Variants in MAST4 observed in about 807,000 individuals in gnomAD.
MAST4 encodes the protein microtubule-associated serine/threonine-protein kinase 4.
In MAST4, 89 loss-of-function variants were observed where a neutral mutation model predicts 162.7. The ratio of observed to expected loss-of-function variants is 0.55; its 90% CI spans 0.46 to 0.65. The LOEUF (loss-of-function observed/expected upper bound fraction) is 0.65. Ranked by LOEUF, MAST4 falls within the 30% of genes least tolerant of loss-of-function variation. The probability of loss-of-function intolerance (pLI) is 0.00; values close to 1 mark genes in which losing one functional copy is unlikely to be tolerated. For missense variants in MAST4, 3,153 were observed against 3,374.0 expected (o/e 0.93, Z 1.62); for synonymous variants, 1,479 against 1,361.1 (o/e 1.09, Z -1.91).
rs1187989089 is a variant in MAST4 at position 66,721,785 on chromosome 5, C to T, written c.364-37924C>T. On this transcript the variant is annotated intron_variant, in intron 1 of 28. Transcript: ENST00000403625. ...TGTTCTGAACTGAACTTCTTGTCTA[C>T]CCACCAGTCCTGTTCTGCTGGACTC... is the stretch of plus-strand genomic sequence containing the variant. Among the ~76,000 whole-genome samples the T allele has an allele frequency of 2.6e-5, 4 of 151,594 alleles. No homozygotes were observed. The East Asian group carries it at 7.8e-4, about 29-fold the overall frequency.
Position 67,165,813 on chromosome 5 carries a change from C to T in MAST4, c.6634C>T (p.Leu2212Phe). Residue 2212 changes from leucine to phenylalanine, a missense_variant, in exon 29 of 29, where the codon CTC becomes TTC. Leu to Phe is a conservative substitution (Grantham distance 22, BLOSUM62 0). Around this residue, in one of 7 missense-constraint regions of MAST4, gnomAD observed 1,644 missense variants for 1,495.0 expected, o/e 1.10. Transcript: ENST00000403625. ...AAAGACTAAGCACCCCGACCGGTCC[C>T]TCTCCTCTCAGAAACCAAGTGTCGG... is the stretch of plus-strand genomic sequence containing the variant. ...PPKTKHPDRS[L>F]SSQKPSVGAT... 3 of 1,612,566 alleles carry T rather than the reference C, an allele frequency of 1.9e-6. No individual in the cohort carries two copies. The highest frequency in any genetic ancestry group is 1.3e-5 in the African/African-American group (1 of 75,040).
chr5:66,769,701 T>TA (rs1754276374), intron 2 of MAST4, among the ~76,000 whole-genome samples: 2 of 152,242 alleles, frequency 1.3e-5, no homozygotes, highest in African/African-American at 2.4e-5. Flanking sequence ...ATTATCCTGT[T>TA]ACAGGACCGC....
chr5:67,078,927 T>TAATATATATATATAATATATATATATA (rs1554093935), intron 5 of MAST4, among the ~76,000 whole-genome samples: 2 of 84,308 alleles, frequency 2.4e-5, no homozygotes, highest in Admixed American at 1.5e-4. Flanking sequence ...TATATATATA[T>TAATATATATATATAATATATATATATA]ATATATATAT....
intron 3 of MAST4, among the ~76,000 whole-genome samples, chr5:66,897,465 C>A (rs542529765): frequency 1.3e-5 from 2 of 152,348 alleles, no homozygotes; most frequent in Non-Finnish European, 2.9e-5. Flanking sequence ...CTGCTCCCCG[C>A]GCAGGCTGCA....
intron 1 of MAST4, among the ~76,000 whole-genome samples, chr5:66,608,420 C>T (rs558615979): frequency 4.4e-5 from 5 of 112,564 alleles, no homozygotes; most frequent in Non-Finnish European, 8.3e-5. Context: ...TATATACATT[C>T]TTGACGGGAA....
At chr5:66,879,291 C>A (rs1427255670) in intron 3 of MAST4, among the ~76,000 whole-genome samples, 1 of 150,270 alleles carries the variant, frequency 6.7e-6, no homozygotes, top group Non-Finnish European at 1.5e-5. Flanking sequence ...AAAAAAAGTA[C>A]AAATTAAAAA....
chr5:66,764,332 A>G (rs1753988037), intron 2 of MAST4, among the ~76,000 whole-genome samples: 2 of 152,172 alleles, frequency 1.3e-5, no homozygotes, highest in East Asian at 1.9e-4. Flanking sequence ...GTACAGGCAC[A>G]TTTCAAGGTT....
chr5:67,140,490 T>TGGGG (rs1770242896), intron 19 of MAST4, among the ~76,000 whole-genome samples: 1 of 152,160 alleles, frequency 6.6e-6, no homozygotes, highest in Non-Finnish European at 1.5e-5. Context: ...GTATTGGCAG[T>TGGGG]TCTGAATCTG....
At chr5:66,831,967 AAATT>A (rs1461556159) in intron 3 of MAST4, among the ~76,000 whole-genome samples, 1 of 152,088 alleles carries the variant, frequency 6.6e-6, no homozygotes, top group African/African-American at 2.4e-5. Context: ...ACTGTCAGGG[AAATT>A]AATTGTTTCA....
At chr5:67,002,065 A>T (rs922318329) in intron 4 of MAST4, 5 of 152,056 alleles carry the variant, frequency 3.3e-5, no homozygotes, top group African/African-American at 9.7e-5. Context: ...AGTGAGCACA[A>T]AAAGTTATTC....
intron 3 of MAST4, among the ~76,000 whole-genome samples, chr5:66,853,820 T>G (rs1759482820): frequency 6.6e-6 from 1 of 152,204 alleles, no homozygotes; most frequent in Non-Finnish European, 1.5e-5. Flanking sequence ...TAACTTATGT[T>G]TTAAACAGAT....
chr5:67,083,621 GA>G (rs950877344), intron 5 of MAST4, among the ~76,000 whole-genome samples: 8 of 150,750 alleles, frequency 5.3e-5, no homozygotes, highest in South Asian at 4.2e-4. Flanking sequence ...ATGTAAGATA[GA>G]AAAAAAAATA....
chr5:66,821,818 C>A (rs1360868435), intron 3 of MAST4, among the ~76,000 whole-genome samples: 1 of 152,048 alleles, frequency 6.6e-6, no homozygotes, highest in Non-Finnish European at 1.5e-5. Flanking sequence ...AGGGCAGGAT[C>A]CTTGAAGCCA....
At chr5:66,663,271 T>C (rs1425948660) in intron 1 of MAST4, among the ~76,000 whole-genome samples, 4 of 152,230 alleles carry the variant, frequency 2.6e-5, no homozygotes, top group African/African-American at 7.2e-5. Flanking sequence ...AGGAATGGTC[T>C]CCTTTGTGAT....
Position 66,807,357 on chromosome 5 carries a change from G to A in MAST4, c.642+18563G>A, listed in dbSNP as rs556202840. ...TAAAAATACAAAAAATTAGCCGGGC[G>A]CGGTGGCGGGCGCCTTTAGTCCCAG... On this transcript the variant is annotated intron_variant, in intron 3 of 28. Coordinates refer to ENST00000403625, the MANE Select transcript of MAST4 (RefSeq NM_001164664.2). 1.6e-3 allele frequency among the ~76,000 whole-genome samples: 238 copies of A among 152,160 alleles called. 8 individuals carry two copies. In the South Asian group the frequency reaches 0.044, roughly 28 times the overall value.
rs185312738 is a variant in MAST4 at position 66,712,420 on chromosome 5, T to C, written c.364-47289T>C. On this transcript the variant is annotated intron_variant, in intron 1 of 28. Coordinates refer to ENST00000403625, the MANE Select transcript of MAST4 (RefSeq NM_001164664.2). ...TAGCCCCCATTTTAGATCCTTTGTATGTATTCCAGGATTTTCCAAAGTGTG... is the reference window on the plus strand; with the variant it reads ...TAGCCCCCATTTTAGATCCTTTGTACGTATTCCAGGATTTTCCAAAGTGTG... Among the ~76,000 whole-genome samples the C allele has an allele frequency of 6.0e-3, 910 of 152,326 alleles. 1 individual carries two copies. Among genetic ancestry groups the C allele is most frequent in the South Asian group, 0.013 (65 of 4,818 alleles).
At chr5:66,986,416 CTCTG>C (rs1012922884) in intron 4 of MAST4, 13 of 1,455,412 alleles carry the variant, frequency 8.9e-6, no homozygotes, top group Admixed American at 4.0e-5. Context: ...CATCATATCA[CTCTG>C]TCTTTTTCTC....
chr5:66,913,502 G>A lies in MAST4; in HGVS notation c.674+13520G>A, dbSNP rs1453028031. Among the ~76,000 whole-genome samples the A allele has an allele frequency of 3.3e-5, 5 of 152,162 alleles. No individual in the cohort carries two copies. The East Asian group carries it at 9.6e-4, about 29-fold the overall frequency. On this transcript the variant is annotated intron_variant, in intron 4 of 28. Transcript: ENST00000403625. ...AAGTAATATCCTATTGAATGACTGT[G>A]TCAGTTTCATTAGTCTCTTGCCACT...
chr5:67,133,517 G>T lies in MAST4; in HGVS notation c.2097G>T (p.Leu699Phe). 6.2e-7 allele frequency: 1 copy of T among 1,612,876 alleles called. No individual in the cohort carries two copies. Among genetic ancestry groups the T allele is most frequent in the Non-Finnish European group, 8.5e-7 (1 of 1,179,082 alleles). The change falls in exon 17 of 29, where the codon TTG becomes TTT. Residue 699 changes from leucine (L) to phenylalanine (F), a missense_variant. By Grantham distance (22) the Leu-to-Phe change is conservative. Coordinates refer to ENST00000403625, the MANE Select transcript of MAST4 (RefSeq NM_001164664.2). Reference sequence around the variant, plus strand: ...TACATGTCCGTCTGCCTCATAGCTTGTTGGTTACCTCCATGGGGCACATAA... The same window carrying T: ...TACATGTCCGTCTGCCTCATAGCTTTTTGGTTACCTCCATGGGGCACATAA... Reference protein sequence around the residue: ...IVHRDLKPDNLLVTSMGHIKL... With the variant: ...IVHRDLKPDNFLVTSMGHIKL...
Sources: gnomAD v4.1 joint callset for allele counts (sites outside exome capture counted in the v4.1 genomes callset) on GRCh38, gnomAD v4.1.1 for gene constraint, gnomAD v4.1.1 regional missense constraint, MANE v1.5 for transcripts, NCBI Gene and HGNC (gene_info 2026-07-23, HGNC 2026-07-21) for gene names.